CNIH3: variants seen among roughly 807,000 people sequenced by gnomAD.
The protein encoded by CNIH3 is cornichon family AMPA receptor auxiliary protein 3.
Under a neutral mutation model 24.1 loss-of-function variants are expected in CNIH3, and 14 were observed. The observed-to-expected ratio is 0.58, with a 90% CI of 0.38 to 0.91. The LOEUF is 0.91. Ranked by LOEUF, CNIH3 falls within the 40% of genes least tolerant of loss-of-function variation. The pLI is 0.00. For synonymous variants in CNIH3, 68 were observed against 73.8 expected (o/e 0.92, Z 0.40); for missense variants, 178 against 196.8 (o/e 0.90, Z 0.57).
intron 4 of CNIH3, among the ~76,000 whole-genome samples, chr1:224,567,791 G>A (rs368802763): frequency 1.3e-5 from 2 of 152,132 alleles, no homozygotes; most frequent in East Asian, 1.9e-4. Context: ...GGGAAAGGAC[G>A]AAACAGTTGT....
chr1:224,629,340 C>A (rs142748219), intron 1 of CNIH3, among the ~76,000 whole-genome samples: 62 of 152,132 alleles, frequency 4.1e-4, no homozygotes, highest in African/African-American at 1.4e-3. Flanking sequence ...TGATTGATAA[C>A]CTCATGTCTC....
At chr1:224,636,997 G>A (rs1427628845) in intron 1 of CNIH3, among the ~76,000 whole-genome samples, 2 of 150,560 alleles carry the variant, frequency 1.3e-5, no homozygotes, top group Admixed American at 1.3e-4. Context: ...GGTCACCTGG[G>A]CTGGAGTGCA....
In CNIH3 at chr1:224,684,677, C is replaced by T. The variant is rs1380613585; in HGVS notation, c.151-119C>T. 7.0e-6 allele frequency: 6 copies of T among 853,504 alleles called. No homozygotes were observed. In the Admixed American group the frequency reaches 1.1e-4, roughly 16 times the overall value. 52.9% of individuals were successfully genotyped at this position (853,504 alleles called of 1,614,324 possible). A position where few individuals can be genotyped will look rare whatever the true frequency, so the allele number is the denominator to read the frequency against. ...GGTGGGAGCATGCTGGCCATGTGCC[C>T]AGGAGGGGTCTCTGGTGGCTTCTGC... On this transcript the variant is annotated intron_variant, in intron 2 of 5. Transcript: ENST00000272133. The surrounding 1 kb of genome is among the most constrained non-coding windows in gnomAD (Gnocchi z 4.2).
chr1:224,686,559 G>A (rs543343465), intron 3 of CNIH3, among the ~76,000 whole-genome samples: 3 of 152,170 alleles, frequency 2.0e-5, no homozygotes, highest in Non-Finnish European at 2.9e-5. Context: ...TATAGTCTCT[G>A]GGTTTGTTCT....
chr1:224,574,720 T>A, intron 4 of CNIH3: 1 of 1,197,874 alleles, frequency 8.3e-7, no homozygotes, highest in Non-Finnish European at 1.2e-6. Flanking sequence ...TGCCAGAAGA[T>A]GCTCATTGAC....
chr1:224,608,035 T>G (rs768045082), intron 3 of CNIH3, among the ~76,000 whole-genome samples: 6 of 152,180 alleles, frequency 3.9e-5, no homozygotes, highest in Non-Finnish European at 7.3e-5. Flanking sequence ...AAAGTATGGG[T>G]CTGCAGCAAC....
chr1:224,683,847 C>T lies in CNIH3; in HGVS notation c.151-949C>T, dbSNP rs186252133. ...GTGTGCACATAAGTATGTGTGTTTG[C>T]GTGTGCACATGTGAGGAGGATGCAG... On this transcript the variant is annotated intron_variant, in intron 2 of 5. Coordinates refer to ENST00000272133, the MANE Select transcript of CNIH3 (RefSeq NM_152495.2). Among the ~76,000 whole-genome samples the T allele has an allele frequency of 5.8e-3, 888 of 152,272 alleles. 9 individuals carry two copies. The highest frequency in any genetic ancestry group is 0.019 in the African/African-American group (809 of 41,554).
intron 3 of CNIH3, among the ~76,000 whole-genome samples, chr1:224,560,041 A>C (rs573263022): frequency 2.1e-4 from 32 of 152,286 alleles, no homozygotes; most frequent in African/African-American, 7.0e-4. Flanking sequence ...GTATTTGTGA[A>C]ATTTATCTAT....
chr1:224,578,492 C>T (rs1681131897), intron 4 of CNIH3, among the ~76,000 whole-genome samples: 1 of 152,128 alleles, frequency 6.6e-6, no homozygotes, highest in Admixed American at 6.6e-5. Flanking sequence ...CTTTGCCTTC[C>T]TTGTTTTTGA....
chr1:224,593,357 CT>C (rs111865931), downstream of CNIH3, among the ~76,000 whole-genome samples: 7,241 of 152,020 alleles, frequency 0.048, 584 homozygotes, highest in African/African-American at 0.16. Flanking sequence ...ACATGGCTTG[CT>C]GATTTGCTGC....
intron 3 of CNIH3, among the ~76,000 whole-genome samples, chr1:224,552,705 G>C (rs1043683226): frequency 6.6e-6 from 1 of 151,094 alleles, no homozygotes; most frequent in African/African-American, 2.4e-5. Context: ...TAGGAGTAAT[G>C]TATCTCGCTT....
At chr1:224,707,711 C>T (rs1021874119) in intron 3 of CNIH3, among the ~76,000 whole-genome samples, 1 of 152,146 alleles carries the variant, frequency 6.6e-6, no homozygotes, top group Non-Finnish European at 1.5e-5. Flanking sequence ...TTAACAAGAT[C>T]CTTGTATGCA....
At chr1:224,583,371 T>C (rs1439160768) in intron 5 of CNIH3, 3 of 152,300 alleles carry the variant, frequency 2.0e-5, no homozygotes, top group African/African-American at 7.2e-5. Context: ...CCCAGCTCAA[T>C]GGTGGAAATG....
intron 1 of CNIH3, among the ~76,000 whole-genome samples, chr1:224,456,077 T>C (rs1255921291): frequency 6.6e-6 from 1 of 152,350 alleles, no homozygotes; most frequent in East Asian, 1.9e-4. Flanking sequence ...GTTTAGCAGA[T>C]GTGGTTACTC....
intron 3 of CNIH3, among the ~76,000 whole-genome samples, chr1:224,713,828 T>G (rs960071372): frequency 6.6e-6 from 1 of 152,214 alleles, no homozygotes; most frequent in Non-Finnish European, 1.5e-5. Flanking sequence ...TAAATTTTTA[T>G]TTTTTGAGAC....
chr1:224,486,728 C>T (rs1319918022), intron 1 of CNIH3, among the ~76,000 whole-genome samples: 2 of 152,192 alleles, frequency 1.3e-5, no homozygotes, highest in East Asian at 3.8e-4. Context: ...GTTGCTAAAA[C>T]TCTATGAGAT....
chr1:224,599,981 T>C (rs74149605), intron 3 of CNIH3, among the ~76,000 whole-genome samples: 3,973 of 152,320 alleles, frequency 0.026, 178 homozygotes, highest in African/African-American at 0.09. Flanking sequence ...TGCATTGGTT[T>C]ATAACTTCTC....
chr1:224,481,797 G>A (rs938193075), intron 1 of CNIH3, among the ~76,000 whole-genome samples: 15 of 152,228 alleles, frequency 9.9e-5, no homozygotes, highest in African/African-American at 3.4e-4. Flanking sequence ...TCTACACTCA[G>A]CAGGTGGTGA....
rs543888824 is a variant in CNIH3, at chr1:224,473,468, C to A, written n.203+38606C>A. Among the ~76,000 whole-genome samples, 5 of 152,176 alleles carry A rather than the reference C, an allele frequency of 3.3e-5. No homozygotes were observed. In the South Asian group the frequency reaches 8.3e-4, roughly 25 times the overall value. On this transcript the variant is annotated intron_variant and non_coding_transcript_variant, in intron 1 of 5. Transcript: ENST00000471578. ...AGAAATACACTTCACCACTTCTATG[C>A]AAATGGGAACCTAAAAAGAGCAAGA...
Sources: gnomAD v4.1 joint callset for allele counts (sites outside exome capture counted in the v4.1 genomes callset) on GRCh38, gnomAD v4.1.1 for gene constraint, Gnocchi (gnomAD v3.1) non-coding constraint, MANE v1.5 for transcripts, NCBI Gene and HGNC (gene_info 2026-07-23, HGNC 2026-07-21) for gene names.